SLC9A7: variants seen among roughly 807,000 people sequenced by gnomAD.
SLC9A7 encodes solute carrier family 9 member A7, also known as sodium/hydrogen exchanger 7.
In SLC9A7, 19 loss-of-function variants were observed where a neutral mutation model predicts 52.6. That is an observed-to-expected ratio of 0.36 (90% CI 0.25 to 0.53). SLC9A7 has a LOEUF of 0.53. Ranked by LOEUF, SLC9A7 falls within the 20% of genes least tolerant of loss-of-function variation. SLC9A7 has a pLI of 0.91. For synonymous variants in SLC9A7, 226 were observed against 252.1 expected, an observed-to-expected ratio of 0.90 and a Z score of 0.98; for missense variants, 455 against 597.9, an observed-to-expected ratio of 0.76 and a Z score of 2.49.
intron 1 of SLC9A7, among the ~76,000 whole-genome samples, chrX:46,757,076 G>A (rs1922723319): frequency 8.9e-6 from 1 of 111,956 alleles, no homozygotes; most frequent in Admixed American, 9.5e-5. Flanking sequence ...ACTGGGTCTA[G>A]GGCCTATTAA....
intron 1 of SLC9A7, among the ~76,000 whole-genome samples, chrX:46,744,815 C>T (rs919823603): frequency 1.8e-5 from 2 of 111,759 alleles, no homozygotes; most frequent in Admixed American, 1.9e-4. Context: ...TAGACAGCTC[C>T]AAAGTCCCAT....
chrX:46,738,586 G>A (rs369816441), intron 1 of SLC9A7, among the ~76,000 whole-genome samples: 42 of 111,262 alleles, frequency 3.8e-4, no homozygotes, highest in African/African-American at 1.2e-3. Flanking sequence ...CCTGGCCAAC[G>A]TGGCAAAACC....
At chrX:46,745,689 T>A (rs190956048) in intron 1 of SLC9A7, among the ~76,000 whole-genome samples, 239 of 108,726 alleles carry the variant, frequency 2.2e-3, no homozygotes, top group African/African-American at 7.0e-3. Context: ...AAAAAAAAAA[T>A]TTTTAATTAG....
chrX:46,619,905 G>A (rs1354846362), intron 15 of SLC9A7, among the ~76,000 whole-genome samples: 1 of 111,210 alleles, frequency 9.0e-6, no homozygotes, highest in Non-Finnish European at 1.9e-5. Context: ...CCAAAGTACT[G>A]GGACTAAAGG....
In SLC9A7 at chrX:46,682,240, C is replaced by G. The variant is rs2072838; in HGVS notation, c.525+96G>C. 3.5e-4 allele frequency: 293 copies of G among 840,066 alleles called. 1 individual carries two copies. The East Asian group carries it at 9.2e-3, about 26-fold the overall frequency. 69.2% of individuals were successfully genotyped at this position (840,066 alleles called of 1,213,427 possible). On this transcript the variant is annotated intron_variant, in intron 2 of 16. Coordinates refer to ENST00000616978, the MANE Select transcript of SLC9A7 (RefSeq NM_001257291.2). ...GAGAGCCAGGAATGTTACGGATAATCCAGGAGTTTGGAAGGATTTCTCTCC... is the reference window on the plus strand; with the variant it reads ...GAGAGCCAGGAATGTTACGGATAATGCAGGAGTTTGGAAGGATTTCTCTCC...
intron 7 of SLC9A7, among the ~76,000 whole-genome samples, chrX:46,656,401 G>A (rs1477170045): frequency 8.8e-6 from 1 of 113,109 alleles, no homozygotes; most frequent in African/African-American, 3.2e-5. Context: ...AGAGAAGAAG[G>A]CTTCAGACGA....
intron 7 of SLC9A7, among the ~76,000 whole-genome samples, chrX:46,654,532 GC>G (rs1307817617): frequency 9.0e-6 from 1 of 111,034 alleles, no homozygotes; most frequent in Admixed American, 9.6e-5. Flanking sequence ...TCCTTGAATG[GC>G]CATGGTTCTG....
intron 11 of SLC9A7, chrX:46,647,197 T>A: frequency 4.0e-6 from 1 of 250,885 alleles, no homozygotes; most frequent in African/African-American, 2.7e-5. Flanking sequence ...AGCCAGTATC[T>A]TGCAGTGCCT....
At chrX:46,647,221 C>T (rs73630233) in intron 11 of SLC9A7, 8 of 211,483 alleles carry the variant, frequency 3.8e-5, no homozygotes, top group African/African-American at 1.2e-4. Context: ...CACCACACTT[C>T]GCCTCCTTGT....
chrX:46,758,884 T>G lies in SLC9A7; in HGVS notation c.146A>C (p.Glu49Ala), dbSNP rs149200800. ...ASASSSGAAA[E>A]DSSAMEELAT... ...GAGCTCCTCCATGGCGCTGCTGTCC[T>G]CCGCCGCCGCCCCAGAGGAGGAGGC... The change falls in exon 1 of 17, where the codon GAG (glutamate) becomes GCG (alanine). Residue 49 changes from glutamate (E) to alanine (A), a missense_variant. Around this residue, in one of 3 missense-constraint regions of SLC9A7, gnomAD observed 304 missense variants for 417.8 expected, o/e 0.73. Transcript: ENST00000616978. 6.3e-5 allele frequency: 75 copies of G among 1,185,182 alleles called. No homozygotes were observed. The African/African-American group carries it at 1.1e-3, about 18-fold the overall frequency.
intron 16 of SLC9A7, among the ~76,000 whole-genome samples, 190 bp downstream of exon 16, chrX:46,613,099 C>T (rs760017156): frequency 9.0e-6 from 1 of 110,879 alleles, no homozygotes; most frequent in East Asian, 2.8e-4. Context: ...AATCCCATTA[C>T]CCTGGTAAAA....
chrX:46,711,904 A>T (rs1388712182), intron 1 of SLC9A7, among the ~76,000 whole-genome samples: 1 of 96,112 alleles, frequency 1.0e-5, no homozygotes, highest in Non-Finnish European at 2.0e-5. Flanking sequence ...TAAATTACAC[A>T]CACACACACA....
At chrX:46,696,614 A>G (rs191962186) in intron 1 of SLC9A7, among the ~76,000 whole-genome samples, 1 of 111,476 alleles carries the variant, frequency 9.0e-6, no homozygotes, top group East Asian at 2.8e-4. Flanking sequence ...CATGCATTCA[A>G]AAAATATTTG....
intron 1 of SLC9A7, among the ~76,000 whole-genome samples, chrX:46,692,489 A>T (rs1050714329): frequency 9.0e-6 from 1 of 111,102 alleles, no homozygotes; most frequent in African/African-American, 3.3e-5. Flanking sequence ...TCCAGATCTC[A>T]TGCCACTACA....
intron 1 of SLC9A7, among the ~76,000 whole-genome samples, chrX:46,705,497 A>G (rs528166717): frequency 1.8e-3 from 203 of 112,263 alleles, no homozygotes; most frequent in Middle Eastern, 0.014. Flanking sequence ...CTGTAATTCC[A>G]GCACTTTGGA....
chrX:46,633,364 A>AAAAAAAAAAAAAAAAG (rs1943258019), intron 13 of SLC9A7, among the ~76,000 whole-genome samples: 1 of 95,944 alleles, frequency 1.0e-5, no homozygotes, highest in Non-Finnish European at 2.1e-5. Context: ...AAAAAAAAAA[A>AAAAAAAAAAAAAAAAG]AAAAAAAAAA....
chrX:46,693,167 T>C (rs1276772306), intron 1 of SLC9A7, among the ~76,000 whole-genome samples: 1 of 112,086 alleles, frequency 8.9e-6, no homozygotes, highest in African/African-American at 3.2e-5. Flanking sequence ...AACATGACAA[T>C]GCTCCCCATA....
intron 7 of SLC9A7, among the ~76,000 whole-genome samples, chrX:46,656,343 T>C (rs1338809047): frequency 1.8e-5 from 2 of 112,336 alleles, no homozygotes; most frequent in Non-Finnish European, 3.8e-5. Flanking sequence ...ACGCAGCTCC[T>C]CACCAGCAAT....
chrX:46,646,774 G>A (rs140060584), intron 11 of SLC9A7: 7 of 323,215 alleles, frequency 2.2e-5, no homozygotes, highest in East Asian at 7.4e-5. Flanking sequence ...TGACAATGCC[G>A]GGGAAGCTGT....
Sources: allele counts gnomAD v4.1 joint callset (sites outside exome capture counted in the v4.1 genomes callset), GRCh38; gene constraint gnomAD v4.1.1; regional missense constraint gnomAD v4.1.1; transcripts MANE v1.5; gene names NCBI Gene and HGNC (gene_info 2026-07-23, HGNC 2026-07-21).